The following ARB2A variants were observed in gnomAD, a reference collection of about 807,000 sequenced individuals.
ARB2A encodes the protein cotranscriptional regulator ARB2A.
At chr5:93,899,928 T>A in the ARB2A span, among the ~76,000 whole-genome samples, 1 of 152,158 alleles carries the variant, frequency 6.6e-6, no homozygotes, top group Admixed American at 6.6e-5. Flanking sequence ...ATAAATGTTG[T>A]TTAGATACAC....
At chr5:93,766,469 C>G in the ARB2A span, among the ~76,000 whole-genome samples, 2 of 152,114 alleles carry the variant, frequency 1.3e-5, no homozygotes, top group Non-Finnish European at 2.9e-5. Context: ...CAGAGAAATG[C>G]AAATCAAAAC....
At chr5:94,034,606 A>G in the ARB2A span, among the ~76,000 whole-genome samples, 2 of 152,210 alleles carry the variant, frequency 1.3e-5, no homozygotes, top group Admixed American at 6.5e-5. Flanking sequence ...TATTATCAGT[A>G]AGAACCCTTA....
At chr5:94,093,365 G>A in the ARB2A span, among the ~76,000 whole-genome samples, 4 of 152,108 alleles carry the variant, frequency 2.6e-5, no homozygotes, top group African/African-American at 9.7e-5. Flanking sequence ...ACAGTCTGGA[G>A]GCTAGAAGTT....
At chr5:94,064,993 A>G in the ARB2A span, among the ~76,000 whole-genome samples, 1 of 152,340 alleles carries the variant, frequency 6.6e-6, no homozygotes, top group South Asian at 2.1e-4. Context: ...ATAAACAATA[A>G]GAGAAAAAGA....
chr5:93,684,461 G>A, the ARB2A span, among the ~76,000 whole-genome samples: 3 of 152,180 alleles, frequency 2.0e-5, no homozygotes, highest in African/African-American at 7.2e-5. Context: ...CATTTTTCTT[G>A]TTTACTACTT....
At chr5:94,042,162 T>TA in the ARB2A span, among the ~76,000 whole-genome samples, 1 of 152,150 alleles carries the variant, frequency 6.6e-6, no homozygotes, top group Non-Finnish European at 1.5e-5. Flanking sequence ...GGAAGGTTTG[T>TA]AAAAAATTAA....
At chr5:93,944,992 G>A in the ARB2A span, among the ~76,000 whole-genome samples, 1 of 152,102 alleles carries the variant, frequency 6.6e-6, no homozygotes. Flanking sequence ...TGTAAGGGTA[G>A]GCCATAACAC....
the ARB2A span, among the ~76,000 whole-genome samples, chr5:93,759,851 C>T: frequency 3.3e-5 from 5 of 152,254 alleles, no homozygotes; most frequent in African/African-American, 1.2e-4. Flanking sequence ...CAAGGATGTC[C>T]ACTCTCATGA....
chr5:93,876,240 G>A, the ARB2A span, among the ~76,000 whole-genome samples: 12 of 152,254 alleles, frequency 7.9e-5, no homozygotes, highest in East Asian at 2.3e-3. Flanking sequence ...CTAAATTGAT[G>A]ACATTTTCTG....
chr5:93,803,488 G>C, the ARB2A span, among the ~76,000 whole-genome samples: 2 of 151,128 alleles, frequency 1.3e-5, no homozygotes, highest in South Asian at 4.2e-4. Flanking sequence ...AAATTCTAAA[G>C]GCTAAGATGT....
chr5:94,021,366 T>C, the ARB2A span, among the ~76,000 whole-genome samples: 1 of 152,170 alleles, frequency 6.6e-6, no homozygotes, highest in Non-Finnish European at 1.5e-5. Context: ...CAGGCCCTAG[T>C]TGGCAAACAA....
At chr5:93,718,833 C>G in the ARB2A span, among the ~76,000 whole-genome samples, 1 of 152,112 alleles carries the variant, frequency 6.6e-6, no homozygotes, top group Non-Finnish European at 1.5e-5. Context: ...TGTTTCCTAG[C>G]TTTTTTCTCA....
the ARB2A span, among the ~76,000 whole-genome samples, chr5:94,062,991 T>C: frequency 6.6e-6 from 1 of 152,178 alleles, no homozygotes; most frequent in Non-Finnish European, 1.5e-5. Flanking sequence ...AAGCAAAGCA[T>C]GCAATCCCAA....
the ARB2A span, among the ~76,000 whole-genome samples, chr5:94,079,643 T>C: frequency 6.6e-6 from 1 of 152,180 alleles, no homozygotes; most frequent in Non-Finnish European, 1.5e-5. Context: ...TTTCTGTTAT[T>C]AGGAAGTATT....
At chr5:94,001,326 T>C in the ARB2A span, among the ~76,000 whole-genome samples, 11 of 152,058 alleles carry the variant, frequency 7.2e-5, no homozygotes, top group African/African-American at 2.7e-4. Flanking sequence ...CATGAGAGTT[T>C]TGTAGTTTTC....
the ARB2A span, among the ~76,000 whole-genome samples, chr5:93,725,183 G>C: frequency 6.6e-6 from 1 of 151,988 alleles, no homozygotes; most frequent in Non-Finnish European, 1.5e-5. Context: ...CTGCAAATAA[G>C]GGGGGAACTA....
chr5:93,686,851 T>TA, the ARB2A span, among the ~76,000 whole-genome samples: 14 of 150,978 alleles, frequency 9.3e-5, no homozygotes, highest in East Asian at 9.7e-4. Flanking sequence ...ATTTAAAAGT[T>TA]AAAAAAAAAT....
the ARB2A span, among the ~76,000 whole-genome samples, chr5:93,823,822 G>A: frequency 1.3e-5 from 2 of 151,982 alleles, no homozygotes; most frequent in African/African-American, 4.8e-5. Flanking sequence ...GAGCATGGTG[G>A]TGCATGCCTG....
At chr5:93,960,705 G>A in the ARB2A span, among the ~76,000 whole-genome samples, 13 of 152,138 alleles carry the variant, frequency 8.5e-5, no homozygotes, top group Non-Finnish European at 1.5e-4. Flanking sequence ...GCCTGGTTCA[G>A]AAAGCATATA....
Sources: gnomAD v4.1 joint callset for allele counts (sites outside exome capture counted in the v4.1 genomes callset) on GRCh38, gnomAD v4.1.1 for gene constraint, MANE v1.5 for transcripts, NCBI Gene and HGNC (gene_info 2026-07-23, HGNC 2026-07-21) for gene names.